Variants in ADAMTS12 observed in about 807,000 individuals in gnomAD.
ADAMTS12 encodes the protein ADAM metallopeptidase with thrombospondin type 1 motif 12.
Under a neutral mutation model 167.8 loss-of-function variants are expected in ADAMTS12, and 118 were observed. The ratio of observed to expected loss-of-function variants is 0.70; its 90% CI spans 0.61 to 0.82. The LOEUF is 0.82. ADAMTS12 is among the 40% of genes least tolerant of loss of function. The probability of loss-of-function intolerance (pLI) is 0.00; values close to 1 mark genes in which losing one functional copy is unlikely to be tolerated. For synonymous variants in ADAMTS12, 704 were observed against 716.9 expected (o/e 0.98, Z 0.29); for missense variants, 1,916 against 1,998.8 (o/e 0.96, Z 0.79).
At chr5:33,591,841 T>C (rs1480797876) in intron 17 of ADAMTS12, among the ~76,000 whole-genome samples, 4 of 152,066 alleles carry the variant, frequency 2.6e-5, no homozygotes, top group Non-Finnish European at 5.9e-5. Flanking sequence ...GGGGGTGGGT[T>C]TCTATTGGCA....
intron 2 of ADAMTS12, among the ~76,000 whole-genome samples, chr5:33,844,979 A>AT (rs1429410513): frequency 2.0e-5 from 3 of 152,190 alleles, no homozygotes; most frequent in Non-Finnish European, 4.4e-5. Flanking sequence ...TTTATTTAAA[A>AT]TTTTCAGACC....
chr5:33,570,816 G>C (rs1420552917), intron 19 of ADAMTS12, among the ~76,000 whole-genome samples: 1 of 150,866 alleles, frequency 6.6e-6, no homozygotes, highest in African/African-American at 2.4e-5. Flanking sequence ...TGGATAAAGA[G>C]TCAAGACCCA....
At chr5:33,722,745 C>T (rs1233326635) in intron 3 of ADAMTS12, among the ~76,000 whole-genome samples, 2 of 152,186 alleles carry the variant, frequency 1.3e-5, no homozygotes, top group African/African-American at 2.4e-5. Flanking sequence ...GTAATTCTCA[C>T]AGCCGGTGAG....
intron 16 of ADAMTS12, among the ~76,000 whole-genome samples, chr5:33,600,566 T>C (rs1738138597): frequency 6.6e-6 from 1 of 152,204 alleles, no homozygotes; most frequent in Non-Finnish European, 1.5e-5. Context: ...AACTATAGTA[T>C]TTCCTGTTAT....
intron 18 of ADAMTS12, among the ~76,000 whole-genome samples, chr5:33,584,594 T>A (rs1370658973): frequency 6.6e-6 from 1 of 152,216 alleles, no homozygotes; most frequent in African/African-American, 2.4e-5. Flanking sequence ...TGTCTTCTTG[T>A]CTGATAATAA....
intron 18 of ADAMTS12, among the ~76,000 whole-genome samples, chr5:33,580,330 A>G (rs962541125): frequency 6.6e-6 from 1 of 152,190 alleles, no homozygotes; most frequent in Non-Finnish European, 1.5e-5. Flanking sequence ...CCTTCTTCAC[A>G]TGGCGGCAGG....
intron 3 of ADAMTS12, among the ~76,000 whole-genome samples, chr5:33,709,625 T>C (rs1018539025): frequency 2.6e-5 from 4 of 152,008 alleles, no homozygotes; most frequent in Admixed American, 2.0e-4. Flanking sequence ...AAACACTGCA[T>C]GTTCTCACTT....
chr5:33,784,854 TTAGAA>T (rs1746272061), intron 2 of ADAMTS12, among the ~76,000 whole-genome samples: 1 of 152,046 alleles, frequency 6.6e-6, no homozygotes, highest in Non-Finnish European at 1.5e-5. Context: ...AATAAAAGAC[TTAGAA>T]TATTCAAAAT....
At chr5:33,836,670 T>C (rs973669919) in intron 2 of ADAMTS12, among the ~76,000 whole-genome samples, 4 of 151,570 alleles carry the variant, frequency 2.6e-5, no homozygotes, top group Non-Finnish European at 5.9e-5. Context: ...AGGCAGAGAC[T>C]GACCCAGAGA....
intron 2 of ADAMTS12, among the ~76,000 whole-genome samples, chr5:33,837,149 T>C (rs199631377): frequency 6.6e-6 from 1 of 152,198 alleles, no homozygotes; most frequent in Non-Finnish European, 1.5e-5. Context: ...CTGTCCTGTG[T>C]AGACAAACTC....
intron 3 of ADAMTS12, 120 bp downstream of exon 3, chr5:33,751,284 T>TG (rs1554040102): frequency 4.1e-6 from 4 of 968,190 alleles, no homozygotes; most frequent in Non-Finnish European, 6.1e-6. Flanking sequence ...ATGAAGATAT[T>TG]AAAAAAAAAA....
chr5:33,795,166 T>A (rs1746727384), intron 2 of ADAMTS12, among the ~76,000 whole-genome samples: 1 of 152,220 alleles, frequency 6.6e-6, no homozygotes, highest in African/African-American at 2.4e-5. Context: ...ACAGGACCCA[T>A]GGGCTGAAAG....
At chr5:33,545,941 C>T (rs1311059922) in intron 22 of ADAMTS12, 118 bp downstream of exon 22, 26 of 1,259,258 alleles carry the variant, frequency 2.1e-5, no homozygotes, top group Middle Eastern at 2.9e-4. Context: ...AGCAAACCAA[C>T]GTGGCACATG....
At chr5:33,800,989 A>T (rs1746983800) in intron 2 of ADAMTS12, among the ~76,000 whole-genome samples, 1 of 152,180 alleles carries the variant, frequency 6.6e-6, no homozygotes, top group African/African-American at 2.4e-5. Context: ...TTATGAGAGG[A>T]ATGCAGAAGA....
At chr5:33,789,450 T>C (rs1337700499) in intron 2 of ADAMTS12, among the ~76,000 whole-genome samples, 2 of 152,220 alleles carry the variant, frequency 1.3e-5, no homozygotes, top group African/African-American at 4.8e-5. Flanking sequence ...TTTTAGGGTC[T>C]CTAGACCGCT....
intron 2 of ADAMTS12, among the ~76,000 whole-genome samples, chr5:33,834,618 G>A (rs1162968463): frequency 1.3e-5 from 2 of 152,126 alleles, no homozygotes; most frequent in Admixed American, 1.3e-4. Context: ...CCCCACTGGA[G>A]GAGTCAGAAG....
chr5:33,881,478 G>A lies in ADAMTS12; in HGVS notation c.130C>T (p.His44Tyr). 1.2e-6 allele frequency: 2 copies of A among 1,609,750 alleles called. No homozygotes were observed. The highest frequency in any genetic ancestry group is 1.7e-6 in the Non-Finnish European group (2 of 1,178,896). Residue 44 changes from histidine (H) to tyrosine (Y), a missense_variant and splice_region_variant, in exon 2 of 24, where the codon CAT (histidine) becomes TAT (tyrosine). Coordinates refer to ENST00000504830, the MANE Select transcript of ADAMTS12 (RefSeq NM_030955.4). ...PVRFPDRRQE[H>Y]FIKGLPEYHV... ...TATTCTGGCAGGCCCTTGATAAAATGCTCTGAAAGAAAAGGAGAAATGGAA... is the reference window on the plus strand; with the variant it reads ...TATTCTGGCAGGCCCTTGATAAAATACTCTGAAAGAAAAGGAGAAATGGAA...
In ADAMTS12 at chr5:33,848,507, C is replaced by A. The variant is rs114129020; in HGVS notation, c.489+32612G>T. Among the ~76,000 whole-genome samples the A allele has an allele frequency of 8.0e-3, 1,215 of 152,338 alleles. 20 individuals are homozygous for A. The highest frequency in any genetic ancestry group is 0.028 in the African/African-American group (1,160 of 41,572). On this transcript the variant is annotated intron_variant, in intron 2 of 23. Coordinates refer to ENST00000504830, the MANE Select transcript of ADAMTS12 (RefSeq NM_030955.4). ...TGTCTGTAGGATGTTTCCTATGATA[C>A]ACATGTCTACATCATGAGAAATGTT...
chr5:33,630,203 A>G (rs1035053130), intron 13 of ADAMTS12, among the ~76,000 whole-genome samples: 1 of 152,212 alleles, frequency 6.6e-6, no homozygotes, highest in Non-Finnish European at 1.5e-5. Context: ...AGTTCCTTGC[A>G]AAATAAAATG....
Sources: gnomAD v4.1 joint callset for allele counts (sites outside exome capture counted in the v4.1 genomes callset) on GRCh38, gnomAD v4.1.1 for gene constraint, MANE v1.5 for transcripts, NCBI Gene and HGNC (gene_info 2026-07-23, HGNC 2026-07-21) for gene names.